Variants in RPA4 observed in about 807,000 individuals in gnomAD.
The protein encoded by RPA4 is replication protein A 30 kDa subunit.
For missense variants in RPA4, 229 were observed against 215.5 expected, an observed-to-expected ratio of 1.06 and a Z score of -0.39; for synonymous variants, 88 against 84.4, an observed-to-expected ratio of 1.04 and a Z score of -0.23.
rs963335873 is a variant in RPA4, at chrX:96,884,206, G to A, written c.-105G>A. On this transcript the variant is annotated 5_prime_UTR_variant, in exon 1 of 1. Transcript: ENST00000373040. ...ATCGTAGCCTTTCGGACAGCTCGAAGCCTTCTGTGGAGAGCTCGAAGCCTT... is the reference window on the plus strand; with the variant it reads ...ATCGTAGCCTTTCGGACAGCTCGAAACCTTCTGTGGAGAGCTCGAAGCCTT... 2.8e-5 allele frequency: 18 copies of A among 646,804 alleles called. No individual in the cohort carries two copies. In the East Asian group the frequency reaches 5.6e-4, roughly 20 times the overall value. 53.3% of individuals were successfully genotyped at this position (646,804 alleles called of 1,213,427 possible). A position where few individuals can be genotyped will look rare whatever the true frequency, so the allele number is the denominator to read the frequency against.
Position 96,884,663 on chromosome X carries a change from C to G in RPA4, c.353C>G (p.Pro118Arg). ...FGREKVKQVT[P>R]LSVGVYVKVF... ...AGAGAGAAAGTCAAGCAGGTGACTC[C>G]ATTGTCAGTCGGAGTATATGTCAAA... The change falls in exon 1 of 1, where the codon CCA (proline) becomes CGA (arginine). Residue 118 changes from proline to arginine, a missense_variant. Physicochemically the swap from Pro to Arg is moderately radical, Grantham distance 103 (BLOSUM62 -2). Transcript: ENST00000373040. The G allele has an allele frequency of 8.3e-7, 1 of 1,210,447 alleles. No individual in the cohort carries two copies. Among genetic ancestry groups the G allele is most frequent in the African/African-American group, 1.7e-5 (1 of 57,538 alleles).
rs17256465 is a variant in RPA4 at position 96,884,181 on chromosome X, A to T, written c.-130A>T. The T allele has an allele frequency of 2.0e-6, 1 of 505,880 alleles. No individual in the cohort carries two copies. Among genetic ancestry groups the T allele is most frequent in the Non-Finnish European group, 3.2e-6 (1 of 312,465 alleles). 41.7% of individuals were successfully genotyped at this position (505,880 alleles called of 1,213,427 possible). The stretch of plus-strand genomic sequence containing the variant: ...CACGTCCTCAGCCTCCCAGCATTCA[A>T]TCGTAGCCTTTCGGACAGCTCGAAG... On this transcript the variant is annotated 5_prime_UTR_variant, in exon 1 of 1. Transcript: ENST00000373040.
Position 96,884,224 on chromosome X carries a change from G to A in RPA4, c.-87G>A, listed in dbSNP as rs190992115. Reference sequence around the variant, plus strand: ...GCTCGAAGCCTTCTGTGGAGAGCTCGAAGCCTTCTGTGGAGAACTCAAAGC... The same window carrying A: ...GCTCGAAGCCTTCTGTGGAGAGCTCAAAGCCTTCTGTGGAGAACTCAAAGC... On this transcript the variant is annotated 5_prime_UTR_variant, in exon 1 of 1. Transcript: ENST00000373040. 1 of 813,382 alleles carries A rather than the reference G, an allele frequency of 1.2e-6. No homozygotes were observed. Among genetic ancestry groups the A allele is most frequent in the Non-Finnish European group, 1.7e-6 (1 of 574,853 alleles). The allele number at this position is 813,382 out of a possible 1,213,427, so 67.0% of individuals were successfully genotyped here. A position where few individuals can be genotyped will look rare whatever the true frequency, so the allele number is the denominator to read the frequency against.
In RPA4 at chrX:96,884,675, G is replaced by C; in HGVS notation, c.365G>C (p.Gly122Ala). 1 of 1,210,934 alleles carries C rather than the reference G, an allele frequency of 8.3e-7. No individual in the cohort carries two copies. The highest frequency in any genetic ancestry group is 1.1e-6 in the Non-Finnish European group (1 of 895,279). Reference sequence around the variant, plus strand: ...AAGCAGGTGACTCCATTGTCAGTCGGAGTATATGTCAAAGTGTTTGGTATC... The same window carrying C: ...AAGCAGGTGACTCCATTGTCAGTCGCAGTATATGTCAAAGTGTTTGGTATC... The part of the protein sequence containing the change: ...KVKQVTPLSV[G>A]VYVKVFGILK... Residue 122 changes from glycine to alanine, a missense_variant, in exon 1 of 1, where the codon GGA becomes GCA. Coordinates refer to ENST00000373040, the MANE Select transcript of RPA4 (RefSeq NM_013347.4).
At position 96,884,021 on chromosome X, in the gene RPA4, G is replaced by C; in HGVS notation, c.-290G>C. 4.0e-6 allele frequency: 1 copy of C among 250,181 alleles called. No individual in the cohort carries two copies. The highest frequency in any genetic ancestry group is 6.8e-5 in the East Asian group (1 of 14,799). The allele number at this position is 250,181 out of a possible 1,213,427, so 20.6% of individuals were successfully genotyped here. On this transcript the variant is annotated 5_prime_UTR_variant, in exon 1 of 1. Transcript: ENST00000373040. ...CTAAGCAACAGGGCTCCCCTCGTGT[G>C]GGACTTTTAGAATGTAGCAACCACT...
chrX:96,884,746 C>A lies in RPA4; in HGVS notation c.436C>A (p.His146Asn). The change falls in exon 1 of 1, where the codon CAT becomes AAT. Residue 146 changes from histidine (H) to asparagine (N), a missense_variant. By Grantham distance (68) the His-to-Asn change is moderately conservative. Coordinates refer to ENST00000373040, the MANE Select transcript of RPA4 (RefSeq NM_013347.4). ...AAAGAGCCTTGAGGTATTGAAAATT[C>A]ATGTCCTAGAGGACATGAACGAGTT... Reference protein sequence around the residue: ...GTKSLEVLKIHVLEDMNEFTV... With the variant: ...GTKSLEVLKINVLEDMNEFTV... The A allele has an allele frequency of 8.3e-7, 1 of 1,210,147 alleles. No individual in the cohort carries two copies. Among genetic ancestry groups the A allele is most frequent in the Non-Finnish European group, 1.1e-6 (1 of 894,576 alleles).
In RPA4 at chrX:96,884,197, C is replaced by T; in HGVS notation, c.-114C>T. On this transcript the variant is annotated 5_prime_UTR_variant, in exon 1 of 1. Transcript: ENST00000373040. ...CAGCATTCAATCGTAGCCTTTCGGA[C>T]AGCTCGAAGCCTTCTGTGGAGAGCT... 3.4e-6 allele frequency: 2 copies of T among 580,416 alleles called. No homozygotes were observed. Among genetic ancestry groups the T allele is most frequent in the Non-Finnish European group, 5.3e-6 (2 of 376,055 alleles). The allele number at this position is 580,416 out of a possible 1,213,427, so 47.8% of individuals were successfully genotyped here.
In RPA4 at chrX:96,884,277, G is replaced by A; in HGVS notation, c.-34G>A. 1.7e-6 allele frequency: 2 copies of A among 1,179,742 alleles called. No homozygotes were observed. Among genetic ancestry groups the A allele is most frequent in the Non-Finnish European group, 2.3e-6 (2 of 877,205 alleles). On this transcript the variant is annotated 5_prime_UTR_variant, in exon 1 of 1. Transcript: ENST00000373040. ...TCCGTGGAGCCCCAGACGAGCCAAA[G>A]CCCACCTTCTCCTCAGCCTGAGCTG...
rs773250379 is a variant in RPA4 at position 96,885,400 on chromosome X, T to G, written c.*304T>G. On this transcript the variant is annotated 3_prime_UTR_variant, in exon 1 of 1. Coordinates refer to ENST00000373040, the MANE Select transcript of RPA4 (RefSeq NM_013347.4). Reference sequence around the variant, plus strand: ...TTTATTATTTAATTGTGTTGGAGCTTCTTTTTCCAAAAGAAAAACTAGTTG... The same window carrying G: ...TTTATTATTTAATTGTGTTGGAGCTGCTTTTTCCAAAAGAAAAACTAGTTG... 4 of 151,642 alleles carry G rather than the reference T, an allele frequency of 2.6e-5. No individual in the cohort carries two copies. The highest frequency in any genetic ancestry group is 5.2e-5 in the Non-Finnish European group (4 of 76,261). 12.5% of individuals were successfully genotyped at this position (151,642 alleles called of 1,213,427 possible). A position where few individuals can be genotyped will look rare whatever the true frequency, so the allele number is the denominator to read the frequency against.
In RPA4 at chrX:96,884,176, A is replaced by C. The variant is rs2065240272; in HGVS notation, c.-135A>C. 4.1e-6 allele frequency: 2 copies of C among 489,571 alleles called. No individual in the cohort carries two copies. The highest frequency in any genetic ancestry group is 2.4e-5 in the African/African-American group (1 of 41,262). 40.3% of individuals were successfully genotyped at this position (489,571 alleles called of 1,213,427 possible). Reference sequence around the variant, plus strand: ...CTTGTCACGTCCTCAGCCTCCCAGCATTCAATCGTAGCCTTTCGGACAGCT... The same window carrying C: ...CTTGTCACGTCCTCAGCCTCCCAGCCTTCAATCGTAGCCTTTCGGACAGCT... On this transcript the variant is annotated 5_prime_UTR_variant, in exon 1 of 1. Transcript: ENST00000373040.
rs1243405160 is a variant in RPA4 at position 96,884,673 on chromosome X, C to T, written c.363C>T (p.Val121=). 12 of 1,207,509 alleles carry T rather than the reference C, an allele frequency of 9.9e-6. No homozygotes were observed. The highest frequency in any genetic ancestry group is 1.1e-5 in the Non-Finnish European group (10 of 894,388). ...TCAAGCAGGTGACTCCATTGTCAGT[C>T]GGAGTATATGTCAAAGTGTTTGGTA... ...EKVKQVTPLS[V]GVYVKVFGIL... The change falls in exon 1 of 1, where the codon GTC becomes GTT. Residue 121 remains valine (V), a synonymous_variant. Transcript: ENST00000373040.
chrX:96,884,910 C>T lies in RPA4; in HGVS notation c.600C>T (p.Phe200=). 2 of 1,211,248 alleles carry T rather than the reference C, an allele frequency of 1.7e-6. No homozygotes were observed. ...ATAACGATGAGAGTCACCGCAATTT[C>T]ATCCAGGACGAAGTGCTGCGTTTGA... ...AGDNDESHRN[F]IQDEVLRLIH... is the part of the protein sequence containing the mutation. The change falls in exon 1 of 1, where the codon TTC becomes TTT. Residue 200 remains phenylalanine, a synonymous_variant. Transcript: ENST00000373040.
rs937473962 is a variant in RPA4, at chrX:96,883,995, G to T, written c.-316G>T. 9.6e-6 allele frequency: 2 copies of T among 208,417 alleles called. No individual in the cohort carries two copies. Among genetic ancestry groups the T allele is most frequent in the African/African-American group, 5.9e-5 (2 of 34,159 alleles). The allele number at this position is 208,417 out of a possible 1,213,427, so 17.2% of individuals were successfully genotyped here. On this transcript the variant is annotated 5_prime_UTR_variant, in exon 1 of 1. Coordinates refer to ENST00000373040, the MANE Select transcript of RPA4 (RefSeq NM_013347.4). The stretch of plus-strand genomic sequence containing the variant: ...TTTTAATAGATAGGCGCTTTGACCA[G>T]CTAAGCAACAGGGCTCCCCTCGTGT...
Position 96,884,579 on chromosome X carries a change from T to C in RPA4, c.269T>C (p.Ile90Thr), listed in dbSNP as rs748650794. 9 of 1,208,323 alleles carry C rather than the reference T, an allele frequency of 7.4e-6. No homozygotes were observed. The highest frequency in any genetic ancestry group is 1.0e-5 in the Non-Finnish European group (9 of 894,961). Residue 90 changes from isoleucine to threonine, a missense_variant, in exon 1 of 1, where the codon ATT becomes ACT. Transcript: ENST00000373040. ...IRGAEKASNHICYKIDDMTAK... is the reference protein window; with the variant it reads ...IRGAEKASNHTCYKIDDMTAK... ...GGGGCAGAGAAGGCTTCAAATCACA[T>C]TTGTTACAAAATTGATGATATGACC...
At position 96,884,384 on chromosome X, in the gene RPA4, T is replaced by C; in HGVS notation, c.74T>C (p.Leu25Pro). The change falls in exon 1 of 1, where the codon CTG (leucine) becomes CCG (proline). Residue 25 changes from leucine to proline, a missense_variant. Leu to Pro is a moderately conservative substitution (Grantham distance 98). Coordinates refer to ENST00000373040, the MANE Select transcript of RPA4 (RefSeq NM_013347.4). The part of the protein sequence containing the change: ...ADGASGGSDQ[L>P]CERDATPAIK... ...GGAGCGAGTGGAGGCAGTGACCAAC[T>C]GTGTGAGAGAGATGCAACTCCTGCT... The C allele has an allele frequency of 8.3e-7, 1 of 1,210,561 alleles. No homozygotes were observed. The highest frequency in any genetic ancestry group is 1.1e-6 in the Non-Finnish European group (1 of 894,898).
In RPA4 at chrX:96,884,677, G is replaced by T; in HGVS notation, c.367G>T (p.Val123Leu). 8.3e-7 allele frequency: 1 copy of T among 1,211,079 alleles called. No homozygotes were observed. The highest frequency in any genetic ancestry group is 1.1e-6 in the Non-Finnish European group (1 of 895,323). Residue 123 changes from valine (V) to leucine (L), a missense_variant, in exon 1 of 1, where the codon GTA becomes TTA. Transcript: ENST00000373040. Reference protein sequence around the residue: ...VKQVTPLSVGVYVKVFGILKC... With the variant: ...VKQVTPLSVGLYVKVFGILKC... ...GCAGGTGACTCCATTGTCAGTCGGA[G>T]TATATGTCAAAGTGTTTGGTATCCT... is the stretch of plus-strand genomic sequence containing the variant.
In RPA4 at chrX:96,884,445, CGTT is replaced by C; in HGVS notation, c.138_140del (p.Val47del). The C allele has an allele frequency of 8.3e-7, 1 of 1,210,959 alleles. No homozygotes were observed. The highest frequency in any genetic ancestry group is 1.1e-6 in the Non-Finnish European group (1 of 895,174). ...AAAGACCTAAGGTCCGAATTCAGGA[CGTT>C]GTACCGTGTAATGTGAACCAGCTTC... On this transcript the variant is annotated inframe_deletion, in exon 1 of 1. Transcript: ENST00000373040.
rs200380831 is a variant in RPA4 at position 96,884,878 on chromosome X, G to T, written c.568G>T (p.Ala190Ser). ...TGTGTCTCCATCAGAAGTGAATGAT[G>T]CTGGGGATAACGATGAGAGTCACCG... ...VPVSPSEVND[A>S]GDNDESHRNF... Residue 190 changes from alanine (A) to serine (S), a missense_variant, in exon 1 of 1, where the codon GCT becomes TCT. Ala to Ser is a moderately conservative substitution (Grantham distance 99). Transcript: ENST00000373040. 4.3e-4 allele frequency: 523 copies of T among 1,208,985 alleles called. No individual in the cohort carries two copies. Among genetic ancestry groups the T allele is most frequent in the Non-Finnish European group, 5.7e-4 (512 of 894,798 alleles).
exon 1 of RPA4, chrX:96,885,449 CAAAAAAAAAAAA>C (rs60706314): frequency 2.9e-5 from 1 of 34,256 alleles, no homozygotes; most frequent in Non-Finnish European, 4.9e-5. Context: ...AGCGAAAAGA[CAAAAAAAAAAAA>C]AAAAAAAAAA....
Sources: gnomAD v4.1 joint callset for allele counts on GRCh38, gnomAD v4.1.1 for gene constraint, MANE v1.5 for transcripts, NCBI Gene and HGNC (gene_info 2026-07-23, HGNC 2026-07-21) for gene names.